Variants in DMD observed in about 807,000 individuals in gnomAD.
DMD encodes mutant dystrophin.
A neutral mutation model predicts 330.1 loss-of-function variants in DMD; 63 were observed. That is an observed-to-expected ratio of 0.19 (90% CI 0.16 to 0.24). The LOEUF is 0.24. DMD is among the 10% of genes least tolerant of loss of function. The probability of loss-of-function intolerance (pLI) is 1.00; values close to 1 mark genes in which losing one functional copy is unlikely to be tolerated. For synonymous variants in DMD, 1,223 were observed against 959.8 expected, an observed-to-expected ratio of 1.27 and a Z score of -5.07; for missense variants, 3,344 against 2,684.1, an observed-to-expected ratio of 1.25 and a Z score of -5.43.
chrX:31,875,746 G>A (rs1029695158), intron 47 of DMD, among the ~76,000 whole-genome samples: 3 of 111,929 alleles, frequency 2.7e-5, no homozygotes, highest in African/African-American at 6.5e-5. Context: ...TGCCATACGC[G>A]CTTCCTTTGC....
chrX:32,951,616 A>ACC (rs1465208606), intron 2 of DMD, among the ~76,000 whole-genome samples: 2 of 110,731 alleles, frequency 1.8e-5, no homozygotes, highest in Non-Finnish European at 3.8e-5. Flanking sequence ...AACCTTTCCC[A>ACC]CCCCCAGTCC....
chrX:31,441,432 A>G (rs113077107), intron 60 of DMD, among the ~76,000 whole-genome samples: 4,873 of 111,747 alleles, frequency 0.044, 260 homozygotes, highest in African/African-American at 0.15. Flanking sequence ...CCTGACCTCA[A>G]GTGATCCGCC....
At chrX:32,794,038 G>A (rs1172446950) in intron 7 of DMD, among the ~76,000 whole-genome samples, 1 of 110,934 alleles carries the variant, frequency 9.0e-6, no homozygotes, top group African/African-American at 3.3e-5. Flanking sequence ...ATTATCAAGT[G>A]GAATTTATCC....
intron 7 of DMD, among the ~76,000 whole-genome samples, chrX:32,707,488 C>A (rs2064783837): frequency 9.0e-6 from 1 of 111,665 alleles, no homozygotes; most frequent in African/African-American, 3.3e-5. Context: ...TCGCAACCAA[C>A]TGTGACTTTA....
chrX:32,248,220 A>C (rs886266298), intron 43 of DMD, among the ~76,000 whole-genome samples: 4 of 111,670 alleles, frequency 3.6e-5, no homozygotes, highest in African/African-American at 1.3e-4. Context: ...GGTACAGCCA[A>C]TACTTATATA....
intron 62 of DMD, among the ~76,000 whole-genome samples, chrX:31,264,328 C>G (rs1195851569): frequency 9.0e-6 from 1 of 111,677 alleles, no homozygotes; most frequent in Non-Finnish European, 1.9e-5. Flanking sequence ...ATTTCACTCT[C>G]CACATCGGAA....
intron 50 of DMD, among the ~76,000 whole-genome samples, chrX:31,807,692 G>T (rs1487459783): frequency 1.8e-5 from 2 of 112,116 alleles, no homozygotes; most frequent in Admixed American, 1.9e-4. Context: ...AAAAGATTTA[G>T]ATGTCATGCA....
At chrX:32,565,651 G>T (rs1183312861) in intron 16 of DMD, 51 bp downstream of exon 16, 15 of 1,151,355 alleles carry the variant, frequency 1.3e-5, no homozygotes, top group Non-Finnish European at 1.3e-5. Flanking sequence ...CTTAATGCAG[G>T]TTTAAAAAAT....
chrX:31,884,536 G>T (rs889617254), intron 47 of DMD, among the ~76,000 whole-genome samples: 2 of 111,709 alleles, frequency 1.8e-5, no homozygotes, highest in African/African-American at 6.5e-5. Flanking sequence ...CACAATTTCA[G>T]TTTGACAGGA....
At chrX:32,180,855 A>AT (rs775826079) in intron 44 of DMD, among the ~76,000 whole-genome samples, 3 of 110,343 alleles carry the variant, frequency 2.7e-5, no homozygotes, top group Non-Finnish European at 5.7e-5. Context: ...CATGGGAGAA[A>AT]TTGCTCCCAT....
chrX:31,421,335 A>G (rs1397586572), intron 60 of DMD, among the ~76,000 whole-genome samples: 1 of 112,479 alleles, frequency 8.9e-6, no homozygotes, highest in East Asian at 2.8e-4. Flanking sequence ...GCTTTGGAAT[A>G]AAATAAGCAA....
At chrX:33,156,707 A>G (rs927866918) in intron 1 of DMD, among the ~76,000 whole-genome samples, 2 of 112,050 alleles carry the variant, frequency 1.8e-5, no homozygotes, top group African/African-American at 6.5e-5. Context: ...TTTAGTGTGT[A>G]CCTATTTTTC....
chrX:32,922,136 G>C (rs2088481720), intron 2 of DMD, among the ~76,000 whole-genome samples: 1 of 109,715 alleles, frequency 9.1e-6, no homozygotes, highest in Non-Finnish European at 1.9e-5. Context: ...ACTGAAACTT[G>C]AAAGGAATTC....
chrX:31,214,708 A>C (rs2045148456), intron 64 of DMD, among the ~76,000 whole-genome samples: 1 of 110,415 alleles, frequency 9.1e-6, no homozygotes, highest in African/African-American at 3.3e-5. Context: ...GGAAAAGATC[A>C]AAATTCAAAT....
intron 11 of DMD, among the ~76,000 whole-genome samples, chrX:32,631,093 C>T (rs748265164): frequency 1.8e-5 from 2 of 112,142 alleles, no homozygotes; most frequent in South Asian, 3.8e-4. Context: ...GACTGTTAAA[C>T]GTACTGCCTT....
intron 1 of DMD, among the ~76,000 whole-genome samples, chrX:33,152,119 C>T (rs2048306677): frequency 9.3e-6 from 1 of 107,065 alleles, no homozygotes; most frequent in Non-Finnish European, 1.9e-5. Context: ...AGTAGGTGTT[C>T]TTAAACATTT....
At chrX:32,878,358 A>G (rs759541506) in intron 2 of DMD, among the ~76,000 whole-genome samples, 10 of 111,805 alleles carry the variant, frequency 8.9e-5, no homozygotes, top group Non-Finnish European at 1.3e-4. Flanking sequence ...AGCCTGGGCG[A>G]CAGAGTGAGA....
In DMD at chrX:32,395,304, C is replaced by T. The variant is rs146262224; in HGVS notation, c.4234-5123G>A. On this transcript the variant is annotated intron_variant, in intron 30 of 78. Transcript: ENST00000357033. ...CCACACAGTGAGAACAAAATTGTTG[C>T]CCCTATACTTACAGAAGCCTTATTT... Among the ~76,000 whole-genome samples, 381 of 111,382 alleles carry T rather than the reference C, an allele frequency of 3.4e-3. 3 individuals carry two copies. Among genetic ancestry groups the T allele is most frequent in the African/African-American group, 0.012 (368 of 30,702 alleles).
intron 1 of DMD, among the ~76,000 whole-genome samples, chrX:33,167,579 G>A (rs760112870): frequency 1.5e-4 from 17 of 110,739 alleles, no homozygotes; most frequent in Middle Eastern, 9.4e-3. Context: ...TTTCTACTCA[G>A]AAGAACAAGT....
Sources: gnomAD v4.1 joint callset for allele counts (sites outside exome capture counted in the v4.1 genomes callset) on GRCh38, gnomAD v4.1.1 for gene constraint, MANE v1.5 for transcripts, NCBI Gene and HGNC (gene_info 2026-07-23, HGNC 2026-07-21) for gene names.